SOX6: variants seen among roughly 807,000 people sequenced by gnomAD.
SOX6 encodes the protein SRY-box transcription factor 6, also known as transcription factor SOX-6.
A neutral mutation model predicts 97.8 loss-of-function variants in SOX6; 11 were observed. The observed-to-expected ratio is 0.11, with a 90% CI of 0.07 to 0.19. The LOEUF is 0.19. SOX6 is among the 10% of genes least tolerant of loss of function. SOX6 has a pLI of 1.00. For synonymous variants in SOX6, 360 were observed against 371.4 expected (o/e 0.97, Z 0.35); for missense variants, 810 against 1,039.5 (o/e 0.78, Z 3.04).
At chr11:16,331,733 C>T (rs1440697954) in intron 2 of SOX6, among the ~76,000 whole-genome samples, 1 of 152,150 alleles carries the variant, frequency 6.6e-6, no homozygotes, top group East Asian at 1.9e-4. Context: ...TCTCTACGTA[C>T]ATTTCCAGCA....
chr11:16,300,045 C>T lies in SOX6; in HGVS notation c.445+18401G>A, dbSNP rs921619248. On this transcript the variant is annotated intron_variant, in intron 3 of 15. Coordinates refer to ENST00000683767, the MANE Select transcript of SOX6 (RefSeq NM_001367873.1). This position sits in a 1 kb window ranked among gnomAD's most constrained non-coding sequence, Gnocchi z 4.1. ...TGTTTACACTGGAGGCAGTTTTCCA[C>T]GAGCACTGCTCAGGGAGGAAGTGAC... Among the ~76,000 whole-genome samples, 18 of 152,108 alleles carry T rather than the reference C, an allele frequency of 1.2e-4. No homozygotes were observed. Among genetic ancestry groups the T allele is most frequent in the Admixed American group, 2.6e-4 (4 of 15,264 alleles).
chr11:16,023,787 A>G (rs1855139301), intron 12 of SOX6, among the ~76,000 whole-genome samples: 1 of 152,204 alleles, frequency 6.6e-6, no homozygotes, highest in Non-Finnish European at 1.5e-5. Flanking sequence ...ATTAATTTCA[A>G]TTTAATTCCT....
chr11:16,388,352 T>C (rs1005923091), intron 1 of SOX6, among the ~76,000 whole-genome samples: 2 of 152,142 alleles, frequency 1.3e-5, no homozygotes, highest in Non-Finnish European at 2.9e-5. Context: ...TCTATGACCA[T>C]GAAGGATATT....
At chr11:16,260,125 G>A (rs1460560432) in intron 3 of SOX6, among the ~76,000 whole-genome samples, 11 of 151,896 alleles carry the variant, frequency 7.2e-5, no homozygotes, top group African/African-American at 1.9e-4. Flanking sequence ...TCAGCCTCCC[G>A]AGTAGCTGGG....
In SOX6 at chr11:16,675,349, TTA is replaced by T. The variant is rs765123719; in HGVS notation, n.429+39479_429+39480del. On this transcript the variant is annotated intron_variant and non_coding_transcript_variant, in intron 3 of 5. Coordinates refer to the SOX6 transcript ENST00000524520. ...AATTATATTTAGGGATGGGATCTCATTATGTTGCCCAGGCTGATCTCAAACTC... is the reference window on the plus strand; with the variant it reads ...AATTATATTTAGGGATGGGATCTCATTGTTGCCCAGGCTGATCTCAAACTC... 2.6e-5 allele frequency among the ~76,000 whole-genome samples: 4 copies of T among 152,266 alleles called. No homozygotes were observed. The South Asian group carries it at 8.3e-4, about 32-fold the overall frequency.
intron 3 of SOX6, among the ~76,000 whole-genome samples, chr11:16,240,310 GT>G (rs1853149078): frequency 6.6e-6 from 1 of 150,928 alleles, no homozygotes; most frequent in Admixed American, 6.6e-5. Context: ...GTGTGTGTGT[GT>G]GTGTGGCAGT....
At chr11:16,028,732 C>G (rs1221864102) in intron 12 of SOX6, among the ~76,000 whole-genome samples, 1 of 152,116 alleles carries the variant, frequency 6.6e-6, no homozygotes, top group African/African-American at 2.4e-5. Flanking sequence ...CTCCACATAT[C>G]GGCCGTTTGT....
chr11:16,289,548 C>T (rs976835695), intron 3 of SOX6, among the ~76,000 whole-genome samples: 2 of 151,992 alleles, frequency 1.3e-5, no homozygotes, highest in East Asian at 3.9e-4. Context: ...GAAATGAACA[C>T]GTCAGATTAG....
intron 9 of SOX6, among the ~76,000 whole-genome samples, chr11:16,061,127 C>T (rs1381793681): frequency 2.6e-5 from 4 of 151,428 alleles, no homozygotes; most frequent in Admixed American, 2.6e-4. Flanking sequence ...AAAATTTAGT[C>T]AAGTTTAATC....
intron 1 of SOX6, among the ~76,000 whole-genome samples, chr11:16,376,778 G>A (rs560065761): frequency 3.9e-5 from 6 of 152,090 alleles, no homozygotes; most frequent in African/African-American, 1.4e-4. Context: ...TAAAAATGGG[G>A]AAAACCTACT....
chr11:16,393,984 A>C (rs1858267777), intron 1 of SOX6, among the ~76,000 whole-genome samples: 1 of 151,954 alleles, frequency 6.6e-6, no homozygotes, highest in Admixed American at 6.6e-5. Flanking sequence ...AAGGAAAAAC[A>C]AGGTTTCAGT....
chr11:16,263,305 A>G (rs779715597), intron 3 of SOX6, among the ~76,000 whole-genome samples: 3 of 152,068 alleles, frequency 2.0e-5, no homozygotes, highest in Middle Eastern at 3.4e-3. Context: ...CTTACTCTGT[A>G]TCACAATACT....
chr11:16,479,254 G>A (rs1489688045), upstream of SOX6, among the ~76,000 whole-genome samples: 2 of 152,198 alleles, frequency 1.3e-5, no homozygotes, highest in Non-Finnish European at 2.9e-5. Flanking sequence ...AAGGGGCCAA[G>A]AGGGGTGGCT....
chr11:16,350,063 G>T (rs1856897738), intron 1 of SOX6, among the ~76,000 whole-genome samples: 2 of 152,184 alleles, frequency 1.3e-5, no homozygotes, highest in Admixed American at 1.3e-4. Context: ...GACTACACCA[G>T]GGTGACAGTG....
intron 9 of SOX6, among the ~76,000 whole-genome samples, chr11:16,083,477 C>T (rs116116912): frequency 1.7e-3 from 257 of 152,228 alleles, no homozygotes; most frequent in African/African-American, 6.0e-3. Flanking sequence ...TTGGTATATT[C>T]GCTTGTGAAA....
At chr11:16,005,668 G>A (rs1363388614) in intron 13 of SOX6, among the ~76,000 whole-genome samples, 1 of 151,942 alleles carries the variant, frequency 6.6e-6, no homozygotes. Flanking sequence ...AGCACCATGA[G>A]CAATTTCTCT....
intron 3 of SOX6, among the ~76,000 whole-genome samples, chr11:16,637,525 T>C (rs1342522370): frequency 6.6e-6 from 1 of 152,188 alleles, no homozygotes; most frequent in Non-Finnish European, 1.5e-5. Context: ...AGCTTTTCAA[T>C]AGTTTCAAAA....
chr11:16,183,866 G>C lies in SOX6; in HGVS notation c.777+20C>G. ...AAAGTATCTAAGTATAATCAGACGAGAGTAATAAAATACACTGACCTGGAT... is the reference window on the plus strand; with the variant it reads ...AAAGTATCTAAGTATAATCAGACGACAGTAATAAAATACACTGACCTGGAT... On this transcript the variant is annotated intron_variant, in intron 6 of 15. Coordinates refer to ENST00000683767, the MANE Select transcript of SOX6 (RefSeq NM_001367873.1). 6.2e-7 allele frequency: 1 copy of C among 1,607,676 alleles called. No homozygotes were observed. The highest frequency in any genetic ancestry group is 8.5e-7 in the Non-Finnish European group (1 of 1,174,702).
chr11:16,634,291 G>A (rs1848752600), intron 3 of SOX6, among the ~76,000 whole-genome samples: 1 of 151,440 alleles, frequency 6.6e-6, no homozygotes, highest in African/African-American at 2.4e-5. Context: ...CTGTGAATTT[G>A]TAGATCAATA....
Sources: allele counts gnomAD v4.1 joint callset (sites outside exome capture counted in the v4.1 genomes callset), GRCh38; gene constraint gnomAD v4.1.1; non-coding constraint Gnocchi (gnomAD v3.1); transcripts MANE v1.5; gene names NCBI Gene and HGNC (gene_info 2026-07-23, HGNC 2026-07-21).